The following ADAMTS12 variants were observed in gnomAD, a reference collection of about 807,000 sequenced individuals.
ADAMTS12 encodes the protein ADAM metallopeptidase with thrombospondin type 1 motif 12.
In ADAMTS12, 118 loss-of-function variants were observed where a neutral mutation model predicts 167.8. The observed-to-expected ratio is 0.70, with a 90% CI of 0.61 to 0.82. ADAMTS12 has a LOEUF of 0.82. ADAMTS12 is among the 40% of genes least tolerant of loss of function. The pLI, the probability that ADAMTS12 is intolerant of heterozygous loss-of-function variation, is 0.00. For missense variants in ADAMTS12, 1,916 were observed against 1,998.8 expected (o/e 0.96, Z 0.79); for synonymous variants, 704 against 716.9 (o/e 0.98, Z 0.29).
At chr5:33,541,862 C>T (rs183363095) in intron 22 of ADAMTS12, among the ~76,000 whole-genome samples, 4,773 of 152,180 alleles carry the variant, frequency 0.031, 270 homozygotes, top group African/African-American at 0.11. Flanking sequence ...AAGCAACAAC[C>T]GGTACCAGCC....
At chr5:33,827,708 AAAATAGAT>A (rs1748134306) in intron 2 of ADAMTS12, among the ~76,000 whole-genome samples, 1 of 125,688 alleles carries the variant, frequency 8.0e-6, no homozygotes, top group Non-Finnish European at 1.7e-5. Context: ...TGGAGAAAAC[AAAATAGAT>A]AGATAGATAG....
At position 33,637,439 on chromosome 5, in the gene ADAMTS12, A is replaced by G. The variant is rs1324040096; in HGVS notation, c.1888+138T>C. On this transcript the variant is annotated intron_variant, in intron 12 of 23. Transcript: ENST00000504830. ...TCAACTTAACCAGGTCAGTGTTTCC[A>G]TCTTCTAAATTACAAAATTCCTGGT... The G allele has an allele frequency of 4.8e-6, 4 of 827,656 alleles. No homozygotes were observed. The East Asian group carries it at 1.1e-4, about 23-fold the overall frequency. 51.3% of individuals were successfully genotyped at this position (827,656 alleles called of 1,614,324 possible).
At chr5:33,579,731 C>G (rs963706637) in intron 18 of ADAMTS12, among the ~76,000 whole-genome samples, 1 of 152,210 alleles carries the variant, frequency 6.6e-6, no homozygotes, top group Non-Finnish European at 1.5e-5. Context: ...GCAGCACCTA[C>G]CTTTGCAGGC....
Position 33,534,798 on chromosome 5 carries a change from GA to G in ADAMTS12, c.4606+34del, listed in dbSNP as rs745461298. On this transcript the variant is annotated intron_variant, in intron 23 of 23. Transcript: ENST00000504830. ...TCATGCAGGATGACATTTGTGCAAAGATCTCTTTCTCCCCGAGCAAACCCAT... is the reference window on the plus strand; with the variant it reads ...TCATGCAGGATGACATTTGTGCAAAGTCTCTTTCTCCCCGAGCAAACCCAT... 3.7e-5 allele frequency: 58 copies of G among 1,584,342 alleles called. No homozygotes were observed. The South Asian group carries it at 5.2e-4, about 14-fold the overall frequency.
chr5:33,849,345 TATATATATGTATTGAATAGCA>T, intron 2 of ADAMTS12, among the ~76,000 whole-genome samples: 3 of 143,100 alleles, frequency 2.1e-5, no homozygotes, highest in African/African-American at 8.0e-5. Context: ...TGAATAGCAA[TATATATATGTATTGAATAGCA>T]ATATATATAT....
chr5:33,827,086 G>C (rs554981956), intron 2 of ADAMTS12, among the ~76,000 whole-genome samples: 5 of 151,422 alleles, frequency 3.3e-5, no homozygotes, highest in African/African-American at 1.2e-4. Context: ...ACCGCATAAA[G>C]ACCTGGTCCC....
chr5:33,820,090 C>T (rs1441968741), intron 2 of ADAMTS12, among the ~76,000 whole-genome samples: 1 of 152,168 alleles, frequency 6.6e-6, no homozygotes, highest in Non-Finnish European at 1.5e-5. Flanking sequence ...GGAAAAATCA[C>T]TTTATTTCTC....
At chr5:33,888,832 T>A (rs1373377442) in intron 1 of ADAMTS12, among the ~76,000 whole-genome samples, 1 of 152,216 alleles carries the variant, frequency 6.6e-6, no homozygotes, top group Admixed American at 6.5e-5. Flanking sequence ...AGAAATCCTG[T>A]GTAAGTCACA....
chr5:33,806,323 A>T (rs1406925288), intron 2 of ADAMTS12, among the ~76,000 whole-genome samples: 1 of 152,238 alleles, frequency 6.6e-6, no homozygotes, highest in African/African-American at 2.4e-5. Flanking sequence ...CATCCAGTCC[A>T]TACACAGAGA....
chr5:33,770,608 C>A (rs1425509728), intron 2 of ADAMTS12, among the ~76,000 whole-genome samples: 2 of 152,000 alleles, frequency 1.3e-5, no homozygotes, highest in African/African-American at 4.8e-5. Context: ...TGCTTTAGGC[C>A]CAGGAGAGGA....
intron 22 of ADAMTS12, among the ~76,000 whole-genome samples, chr5:33,539,653 A>T (rs1173650772): frequency 6.6e-6 from 1 of 152,248 alleles, no homozygotes; most frequent in East Asian, 1.9e-4. Flanking sequence ...GTGGCAGAAG[A>T]ACACGAAAAC....
intron 3 of ADAMTS12, among the ~76,000 whole-genome samples, chr5:33,728,047 T>G (rs1465298991): frequency 6.6e-6 from 1 of 152,080 alleles, no homozygotes; most frequent in East Asian, 1.9e-4. Flanking sequence ...GGAACAAATA[T>G]ATTAAACAAA....
intron 20 of ADAMTS12, among the ~76,000 whole-genome samples, chr5:33,559,221 T>C (rs1045722425): frequency 3.3e-5 from 5 of 152,168 alleles, no homozygotes; most frequent in Admixed American, 2.6e-4. Context: ...TTTTCCTTTC[T>C]CCTGTGTCTC....
At chr5:33,815,496 T>C (rs1252366293) in intron 2 of ADAMTS12, among the ~76,000 whole-genome samples, 7 of 152,242 alleles carry the variant, frequency 4.6e-5, no homozygotes, top group Admixed American at 1.3e-4. Context: ...CTGACCATCC[T>C]GGTGCCCTGA....
intron 5 of ADAMTS12, among the ~76,000 whole-genome samples, chr5:33,670,252 A>G (rs948743368): frequency 6.6e-6 from 1 of 152,206 alleles, no homozygotes; most frequent in Admixed American, 6.5e-5. Flanking sequence ...GATACTCAAC[A>G]TTACTAGCTA....
At chr5:33,776,866 A>C (rs996312501) in intron 2 of ADAMTS12, among the ~76,000 whole-genome samples, 2 of 152,106 alleles carry the variant, frequency 1.3e-5, no homozygotes, top group African/African-American at 4.8e-5. Flanking sequence ...TACCACATAA[A>C]ACAAAGGGTC....
chr5:33,704,979 T>A (rs887846121), intron 3 of ADAMTS12, among the ~76,000 whole-genome samples: 6 of 152,052 alleles, frequency 3.9e-5, no homozygotes, highest in African/African-American at 1.4e-4. Context: ...ATCTTGAGGG[T>A]TTTTTTGTAT....
intron 18 of ADAMTS12, among the ~76,000 whole-genome samples, chr5:33,587,762 C>G (rs1747428675): frequency 6.6e-6 from 1 of 152,206 alleles, no homozygotes. Flanking sequence ...ATCATGGAAG[C>G]ATACGGCTTC....
intron 13 of ADAMTS12, among the ~76,000 whole-genome samples, chr5:33,628,278 G>A (rs1739755026): frequency 6.6e-6 from 1 of 152,068 alleles, no homozygotes; most frequent in African/African-American, 2.4e-5. Flanking sequence ...GAGAGTGAGA[G>A]TTCAGAGCTG....
Sources: allele counts gnomAD v4.1 joint callset (sites outside exome capture counted in the v4.1 genomes callset), GRCh38; gene constraint gnomAD v4.1.1; transcripts MANE v1.5; gene names NCBI Gene and HGNC (gene_info 2026-07-23, HGNC 2026-07-21).